Variants in VAV2 observed in about 807,000 individuals in gnomAD.
The protein encoded by VAV2 is vav guanine nucleotide exchange factor 2.
In VAV2, 67 loss-of-function variants were observed where a neutral mutation model predicts 132.5. The ratio of observed to expected loss-of-function variants is 0.51; its 90% confidence interval spans 0.42 to 0.62. The LOEUF is 0.62. Ranked by LOEUF, VAV2 falls within the 20% of genes least tolerant of loss-of-function variation. The pLI is 0.00. For missense variants in VAV2, 938 were observed against 1,153.6 expected (o/e 0.81, Z 2.71); for synonymous variants, 492 against 443.5 (o/e 1.11, Z -1.37).
chr9:133,920,753 G>A (rs1840269026), intron 2 of VAV2, among the ~76,000 whole-genome samples: 1 of 152,248 alleles, frequency 6.6e-6, no homozygotes, highest in Non-Finnish European at 1.5e-5. Flanking sequence ...CCAGTGCTGG[G>A]CAACATACTG....
In VAV2 at chr9:133,868,246, C is replaced by T. The variant is rs888024679; in HGVS notation, c.322-6814G>A. Among the ~76,000 whole-genome samples, 18 of 152,314 alleles carry T rather than the reference C, an allele frequency of 1.2e-4. No individual in the cohort carries two copies. In the East Asian group the frequency reaches 2.3e-3, roughly 20 times the overall value. ...CGGGGCTCGGGTCTGTGTGGCAACACGAGGGGCAACCTGCCCACAGCACAG... is the reference window on the plus strand; with the variant it reads ...CGGGGCTCGGGTCTGTGTGGCAACATGAGGGGCAACCTGCCCACAGCACAG... On this transcript the variant is annotated intron_variant, in intron 2 of 29. Transcript: ENST00000371850.
chr9:133,805,606 C>T (rs1208360671), intron 9 of VAV2, among the ~76,000 whole-genome samples: 4 of 152,088 alleles, frequency 2.6e-5, no homozygotes, highest in African/African-American at 9.7e-5. Context: ...AATGCCACCT[C>T]CCCAGCCTCC....
chr9:133,991,609 G>A lies in VAV2; in HGVS notation c.204+466C>T, dbSNP rs1157509224. 6.6e-6 allele frequency among the ~76,000 whole-genome samples: 1 copy of A among 151,314 alleles called. No homozygotes were observed. The highest frequency in any genetic ancestry group is 2.4e-5 in the African/African-American group (1 of 41,300). ...AGGGCTCCCGCCCCGCGCCCCTCCC[G>A]GGCCCTCCAGCCGCGCCCCGGGCCG... is the stretch of plus-strand genomic sequence containing the variant. On this transcript the variant is annotated intron_variant, in intron 1 of 29. Transcript: ENST00000371850. The surrounding 1 kb of genome is among the most constrained non-coding windows in gnomAD (Gnocchi z 4.8).
intron 2 of VAV2, among the ~76,000 whole-genome samples, chr9:133,906,346 T>C (rs917186868): frequency 2.0e-5 from 3 of 152,212 alleles, no homozygotes; most frequent in African/African-American, 4.8e-5. Context: ...AATCGTGGTG[T>C]TGACAATGTG....
At chr9:133,962,917 G>A in intron 1 of VAV2, among the ~76,000 whole-genome samples, 1 of 152,108 alleles carries the variant, frequency 6.6e-6, no homozygotes, top group Non-Finnish European at 1.5e-5. Context: ...GTTCTTTCAT[G>A]GCTGCTAAAA....
chr9:133,765,879 A>C (rs531590619), intron 29 of VAV2, among the ~76,000 whole-genome samples: 30 of 152,354 alleles, frequency 2.0e-4, no homozygotes, highest in African/African-American at 6.7e-4. Flanking sequence ...CACAATTGGT[A>C]AATCTGGGCA....
At chr9:133,862,891 A>G (rs1245301819) in intron 2 of VAV2, among the ~76,000 whole-genome samples, 1 of 152,208 alleles carries the variant, frequency 6.6e-6, no homozygotes. Context: ...TGAACCATAG[A>G]GACGGCGGGT....
intron 2 of VAV2, among the ~76,000 whole-genome samples, chr9:133,938,285 G>A (rs367990141): frequency 2.0e-5 from 3 of 152,176 alleles, no homozygotes; most frequent in Non-Finnish European, 2.9e-5. Context: ...CTCGGCCACC[G>A]TCAGCACCTC....
intron 18 of VAV2, among the ~76,000 whole-genome samples, chr9:133,784,069 C>CA (rs916991815): frequency 1.3e-5 from 2 of 152,154 alleles, no homozygotes; most frequent in Admixed American, 1.3e-4. Context: ...TTTGTACAGA[C>CA]AGAGTTTTGC....
intron 2 of VAV2, among the ~76,000 whole-genome samples, chr9:133,910,646 T>TA (rs377220826): frequency 3.5e-4 from 49 of 138,590 alleles, no homozygotes; most frequent in South Asian, 7.0e-4. Flanking sequence ...CCGACTCTAC[T>TA]AAAAAAAAAA....
rs1382593398 is a variant in VAV2 at position 133,919,673 on chromosome 9, A to C, written c.321+19430T>G. ...CCACCAGCTCAAATATTTCAGTCTC[A>C]GATCAGAGAGGAATGTAAGCCGGAA... On this transcript the variant is annotated intron_variant, in intron 2 of 29. Coordinates refer to ENST00000371850, the MANE Select transcript of VAV2 (RefSeq NM_001134398.2). The surrounding 1 kb of genome is among the most constrained non-coding windows in gnomAD (Gnocchi z 5.8). Among the ~76,000 whole-genome samples the C allele has an allele frequency of 2.0e-5, 3 of 152,194 alleles. No homozygotes were observed. Among genetic ancestry groups the C allele is most frequent in the African/African-American group, 7.2e-5 (3 of 41,454 alleles).
At chr9:133,779,822 G>C (rs1256242883) in intron 21 of VAV2, 96 bp downstream of exon 21, 2 of 1,510,940 alleles carry the variant, frequency 1.3e-6, no homozygotes, top group African/African-American at 2.8e-5. Context: ...CTGGTGGCTG[G>C]GCAGACCTGG....
chr9:133,801,961 TG>T (rs1279629511), intron 9 of VAV2, among the ~76,000 whole-genome samples: 1 of 151,980 alleles, frequency 6.6e-6, no homozygotes, highest in African/African-American at 2.4e-5. Flanking sequence ...GAGACATCTC[TG>T]TTGTTTCAAG....
chr9:133,919,588 C>G lies in VAV2; in HGVS notation c.321+19515G>C, dbSNP rs551185172. On this transcript the variant is annotated intron_variant, in intron 2 of 29. Coordinates refer to ENST00000371850, the MANE Select transcript of VAV2 (RefSeq NM_001134398.2). This position sits in a 1 kb window ranked among gnomAD's most constrained non-coding sequence, Gnocchi z 5.8. Reference sequence around the variant, plus strand: ...CTCAGCAAGGGAAGCCACCAGGACACCGGGTTTTTCCTGAACATTCCTCCC... The same window carrying G: ...CTCAGCAAGGGAAGCCACCAGGACAGCGGGTTTTTCCTGAACATTCCTCCC... Among the ~76,000 whole-genome samples, 3 of 152,292 alleles carry G rather than the reference C, an allele frequency of 2.0e-5. No homozygotes were observed. Among genetic ancestry groups the G allele is most frequent in the Admixed American group, 1.3e-4 (2 of 15,294 alleles).
At chr9:133,927,794 A>AGGG (rs1191153228) in intron 2 of VAV2, 2 of 152,168 alleles carry the variant, frequency 1.3e-5, no homozygotes, top group Non-Finnish European at 2.9e-5. Flanking sequence ...AAGAATCCCT[A>AGGG]CCTCACACCA....
chr9:133,921,518 G>A (rs1436960911), intron 2 of VAV2, among the ~76,000 whole-genome samples: 2 of 152,174 alleles, frequency 1.3e-5, no homozygotes, highest in Non-Finnish European at 2.9e-5. Flanking sequence ...CTCACTCGAA[G>A]AAACCCAGCT....
chr9:133,918,754 CATGTGTGT>C lies in VAV2; in HGVS notation c.321+20341_321+20348del, dbSNP rs1564465476. ...CCTAAGCCTCCCAAGAAGCAGCCGCCATGTGTGTGTGTGTGTTTGTTTGTTTGTTTGTT... is the reference window on the plus strand; with the variant it reads ...CCTAAGCCTCCCAAGAAGCAGCCGCCGTGTGTGTTTGTTTGTTTGTTTGTT... On this transcript the variant is annotated intron_variant, in intron 2 of 29. Transcript: ENST00000371850. This position sits in a 1 kb window ranked among gnomAD's most constrained non-coding sequence, Gnocchi z 4.7. Among the ~76,000 whole-genome samples, 1 of 151,626 alleles carries C rather than the reference CATGTGTGT, an allele frequency of 6.6e-6. No individual in the cohort carries two copies. The highest frequency in any genetic ancestry group is 2.4e-5 in the African/African-American group (1 of 41,082).
intron 1 of VAV2, among the ~76,000 whole-genome samples, chr9:133,941,949 G>C (rs1261447165): frequency 2.0e-5 from 3 of 152,168 alleles, no homozygotes; most frequent in Non-Finnish European, 2.9e-5. Flanking sequence ...GATCCACAGA[G>C]AGAAAGGAGA....
chr9:133,821,335 C>T (rs1250344341), intron 4 of VAV2, among the ~76,000 whole-genome samples: 1 of 152,220 alleles, frequency 6.6e-6, no homozygotes, highest in Non-Finnish European at 1.5e-5. Context: ...ACTTGACTGT[C>T]GCTCCTGAGC....
Sources: gnomAD v4.1 joint callset for allele counts (sites outside exome capture counted in the v4.1 genomes callset) on GRCh38, gnomAD v4.1.1 for gene constraint, Gnocchi (gnomAD v3.1) non-coding constraint, MANE v1.5 for transcripts, NCBI Gene and HGNC (gene_info 2026-07-23, HGNC 2026-07-21) for gene names.